TMCO5A: variants seen among roughly 807,000 people sequenced by gnomAD.
TMCO5A encodes transmembrane and coiled-coil domain-containing protein 5A.
In TMCO5A, 34 loss-of-function variants were observed where a neutral mutation model predicts 42.3. The observed-to-expected ratio is 0.80, with a 90% CI of 0.61 to 1.07. The LOEUF is 1.07. TMCO5A is among the 50% of genes least tolerant of loss of function. TMCO5A has a pLI of 0.00. For synonymous variants in TMCO5A, 131 were observed against 115.6 expected (o/e 1.13, Z -0.86); for missense variants, 357 against 327.9 (o/e 1.09, Z -0.69).
chr15:37,978,968 C>T, the TMCO5A span, among the ~76,000 whole-genome samples: 1 of 151,746 alleles, frequency 6.6e-6, no homozygotes, highest in African/African-American at 2.4e-5. Flanking sequence ...TTTTTAAAAA[C>T]CTGATCTAGT....
chr15:37,946,776 T>C (rs1889978172), intron 10 of TMCO5A, among the ~76,000 whole-genome samples: 1 of 152,108 alleles, frequency 6.6e-6, no homozygotes, highest in Non-Finnish European at 1.5e-5. Flanking sequence ...GTTTTCTAGA[T>C]ATAGGATCAT....
At chr15:37,944,694 C>T (rs543707807) in intron 10 of TMCO5A, among the ~76,000 whole-genome samples, 1 of 152,154 alleles carries the variant, frequency 6.6e-6, no homozygotes, top group Admixed American at 6.6e-5. Context: ...CTCAACCTCC[C>T]AAGTAGCTAG....
At chr15:37,947,309 T>G (rs1889999695) in intron 10 of TMCO5A, among the ~76,000 whole-genome samples, 1 of 152,080 alleles carries the variant, frequency 6.6e-6, no homozygotes, top group Non-Finnish European at 1.5e-5. Context: ...GGTCACTGGC[T>G]GAGCAGAAGA....
the TMCO5A span, among the ~76,000 whole-genome samples, chr15:38,022,014 G>A: frequency 6.6e-6 from 1 of 152,172 alleles, no homozygotes. Context: ...GTTTCACCAT[G>A]TTGGCCAGGA....
chr15:37,979,788 C>T, the TMCO5A span, among the ~76,000 whole-genome samples: 1 of 152,174 alleles, frequency 6.6e-6, no homozygotes, highest in Non-Finnish European at 1.5e-5. Flanking sequence ...CCACTGGGAG[C>T]TCCATCGCAG....
At chr15:37,937,297 AACAGATGGAGT>A in intron 4 of TMCO5A, 38 bp from the exon 5 acceptor site, 1 of 1,600,198 alleles carries the variant, frequency 6.2e-7, no homozygotes, top group Non-Finnish European at 8.6e-7. Context: ...ACTGAATAAG[AACAGATGGAGT>A]ACAGAGGCAG....
chr15:37,949,451 C>T (rs1454255835), intron 11 of TMCO5A, among the ~76,000 whole-genome samples: 1 of 152,014 alleles, frequency 6.6e-6, no homozygotes, highest in Admixed American at 6.6e-5. Context: ...TCAGGACTTA[C>T]TATGACGCTA....
intron 10 of TMCO5A, chr15:37,944,524 C>T (rs1889864837): frequency 6.6e-6 from 1 of 152,136 alleles, no homozygotes; most frequent in Admixed American, 6.6e-5. Flanking sequence ...TGTAATCTTA[C>T]TCAAACTATA....
downstream of TMCO5A, among the ~76,000 whole-genome samples, chr15:37,952,096 C>G (rs1285504946): frequency 6.6e-6 from 1 of 152,162 alleles, no homozygotes; most frequent in Non-Finnish European, 1.5e-5. Context: ...CTGATCCCAG[C>G]TGTCGGAATT....
At chr15:37,959,083 A>C (rs113725336) in intron 11 of TMCO5A, among the ~76,000 whole-genome samples, 10 of 151,860 alleles carry the variant, frequency 6.6e-5, no homozygotes, top group African/African-American at 2.4e-4. Context: ...ACACATGGAC[A>C]CAGAGGGGAA....
chr15:38,001,821 C>T, the TMCO5A span, among the ~76,000 whole-genome samples: 1 of 152,106 alleles, frequency 6.6e-6, no homozygotes, highest in East Asian at 1.9e-4. Context: ...TTAAATTCAT[C>T]CCCCACTTTT....
At chr15:38,005,395 C>CAAA in the TMCO5A span, among the ~76,000 whole-genome samples, 41 of 44,026 alleles carry the variant, frequency 9.3e-4, 6 homozygotes, top group African/African-American at 3.2e-3. Context: ...CCATCTCTAC[C>CAAA]AAAAAAAAAA....
chr15:37,998,052 A>T, the TMCO5A span, among the ~76,000 whole-genome samples: 1 of 152,038 alleles, frequency 6.6e-6, no homozygotes, highest in South Asian at 2.1e-4. Context: ...GATTGTTAAA[A>T]TTTTTTCCTA....
intron 2 of TMCO5A, among the ~76,000 whole-genome samples, chr15:37,935,861 T>C (rs1357137370): frequency 1.3e-5 from 2 of 152,130 alleles, no homozygotes; most frequent in Admixed American, 6.6e-5. Flanking sequence ...CCTATCATGC[T>C]GGTGGAAACC....
chr15:37,936,620 A>G (rs1314031286), intron 3 of TMCO5A, among the ~76,000 whole-genome samples, 157 bp downstream of exon 3: 1 of 152,168 alleles, frequency 6.6e-6, no homozygotes, highest in Non-Finnish European at 1.5e-5. Flanking sequence ...ACACTGAAGC[A>G]TAGCAAGTTT....
At chr15:37,965,465 A>G (rs1016474459) in intron 11 of TMCO5A, among the ~76,000 whole-genome samples, 2 of 152,196 alleles carry the variant, frequency 1.3e-5, no homozygotes, top group African/African-American at 4.8e-5. Context: ...AACAAAGTGA[A>G]GAGACACTTC....
chr15:37,985,397 G>T, the TMCO5A span, among the ~76,000 whole-genome samples: 1 of 152,052 alleles, frequency 6.6e-6, no homozygotes, highest in African/African-American at 2.4e-5. Context: ...TAATGCAAAT[G>T]AACTAAAATT....
At chr15:38,007,874 T>A in the TMCO5A span, among the ~76,000 whole-genome samples, 1 of 21,392 alleles carries the variant, frequency 4.7e-5, no homozygotes, top group African/African-American at 2.6e-4. Context: ...CACCCACACT[T>A]TTTTTTTTTT....
intron 11 of TMCO5A, among the ~76,000 whole-genome samples, chr15:37,948,678 C>G (rs1890050075): frequency 6.6e-6 from 1 of 152,010 alleles, no homozygotes. Context: ...AAAAGAGATC[C>G]TGAAAGTCTA....
Sources: gnomAD v4.1 joint callset for allele counts (sites outside exome capture counted in the v4.1 genomes callset) on GRCh38, gnomAD v4.1.1 for gene constraint, MANE v1.5 for transcripts, NCBI Gene and HGNC (gene_info 2026-07-23, HGNC 2026-07-21) for gene names.